The following CRLF2 variants were observed in gnomAD, a reference collection of about 807,000 sequenced individuals.
The protein encoded by CRLF2 is cytokine receptor like factor 2, also known as cytokine receptor-like factor 2.
CRLF2 carries 41 observed loss-of-function variants against 38.7 expected under a neutral mutation model. The observed-to-expected ratio is 1.06, with a 90% CI of 0.83 to 1.37. The LOEUF (loss-of-function observed/expected upper bound fraction) is 1.37. CRLF2 is among the 40% of genes most tolerant of loss of function. CRLF2 has a pLI of 0.00. For synonymous variants in CRLF2, 140 were observed against 128.8 expected (o/e 1.09, Z -0.59); for missense variants, 377 against 322.2 (o/e 1.17, Z -1.30).
At chrX:1,202,060 G>A (rs1265319505) in intron 4 of CRLF2, among the ~76,000 whole-genome samples, 2 of 151,966 alleles carry the variant, frequency 1.3e-5, no homozygotes, top group Non-Finnish European at 2.9e-5. Flanking sequence ...ATAGATAGAT[G>A]ATAGATTGAA....
intron 2 of CRLF2, 73 bp downstream of exon 2, chrX:1,208,733 C>G (rs2086734382): frequency 2.2e-6 from 2 of 892,948 alleles, no homozygotes; most frequent in Non-Finnish European, 3.8e-6. Context: ...TCAAGCATTC[C>G]CAATCGCTGA....
At chrX:1,195,629 G>A (rs2086460180) in intron 6 of CRLF2, among the ~76,000 whole-genome samples, 1 of 148,188 alleles carries the variant, frequency 6.7e-6, no homozygotes, top group African/African-American at 2.4e-5. Context: ...CCAGGCTGGA[G>A]TATAATGGTG....
intron 3 of CRLF2, among the ~76,000 whole-genome samples, chrX:1,205,634 T>C (rs1342390855): frequency 6.6e-6 from 1 of 151,698 alleles, no homozygotes; most frequent in Non-Finnish European, 1.5e-5. Context: ...GCATGAGCTT[T>C]TTTATTTATG....
At chrX:1,191,346 C>CCT (rs1556415570) in intron 7 of CRLF2, among the ~76,000 whole-genome samples, 186 bp from the exon 8 acceptor site, 5,208 of 44,240 alleles carry the variant, frequency 0.12, 340 homozygotes, top group East Asian at 0.2. Context: ...TCTTTCTTTC[C>CCT]TTCTTTCTTT....
intron 4 of CRLF2, among the ~76,000 whole-genome samples, chrX:1,200,993 T>C (rs1417522651): frequency 1.3e-5 from 2 of 152,042 alleles, no homozygotes; most frequent in Admixed American, 6.6e-5. Context: ...TACACACACC[T>C]AGCTGGTCTA....
intron 7 of CRLF2, among the ~76,000 whole-genome samples, chrX:1,191,581 G>A (rs1259557599): frequency 2.0e-5 from 3 of 151,428 alleles, no homozygotes; most frequent in African/African-American, 7.3e-5. Context: ...TCCCAGGCTG[G>A]AGTGCAACGG....
At chrX:1,196,488 A>G (rs1176040687) in intron 6 of CRLF2, among the ~76,000 whole-genome samples, 1 of 151,560 alleles carries the variant, frequency 6.6e-6, no homozygotes, top group African/African-American at 2.4e-5. Context: ...GCCTGACCCT[A>G]ATTTTTGTAT....
At chrX:1,204,699 T>C (rs1181593544) in intron 3 of CRLF2, among the ~76,000 whole-genome samples, 2 of 146,126 alleles carry the variant, frequency 1.4e-5, no homozygotes, top group Non-Finnish European at 3.0e-5. Flanking sequence ...TTTTTTTAAA[T>C]TATTTTTAAT....
chrX:1,209,161 G>A (rs1299223425), intron 1 of CRLF2, among the ~76,000 whole-genome samples: 2 of 151,768 alleles, frequency 1.3e-5, no homozygotes, highest in East Asian at 1.9e-4. Flanking sequence ...TAGAGACGGG[G>A]TTTCACCGTG....
chrX:1,195,915 TTTTATA>T (rs2086466173), intron 6 of CRLF2, among the ~76,000 whole-genome samples: 1 of 141,376 alleles, frequency 7.1e-6, no homozygotes, highest in African/African-American at 2.6e-5. Context: ...ATTTATATAT[TTTTATA>T]TAGATTACAT....
chrX:1,192,133 A>C (rs1223833843), intron 7 of CRLF2, among the ~76,000 whole-genome samples: 1 of 136,618 alleles, frequency 7.3e-6, no homozygotes, highest in African/African-American at 2.8e-5. Flanking sequence ...TGAACCCGGG[A>C]GGTGGAGCTT....
At position 1,198,646 on chromosome X, in the gene CRLF2, T is replaced by A; in HGVS notation, c.562A>T (p.Lys188Ter). Residue 188 changes from lysine (K) to a stop codon, truncating the protein, a stop_gained, in exon 5 of 8, where the codon AAG becomes TAG. Transcript: ENST00000400841. LOFTEE classifies it high-confidence loss of function. ...GGCCCATATACATCCTCCATAGCCTTCACCCTGACCCAGAAAGAGTAACAC... is the reference window on the plus strand; with the variant it reads ...GGCCCATATACATCCTCCATAGCCTACACCCTGACCCAGAAAGAGTAACAC... ...EKCYSFWVRV[K>*]AMEDVYGPDT... is the part of the protein sequence containing the mutation. 6.2e-7 allele frequency: 1 copy of A among 1,613,518 alleles called. No homozygotes were observed. The highest frequency in any genetic ancestry group is 1.1e-5 in the South Asian group (1 of 91,056).
At chrX:1,200,738 C>T (rs2086589945) in intron 4 of CRLF2, among the ~76,000 whole-genome samples, 1 of 39,322 alleles carries the variant, frequency 2.5e-5, no homozygotes, top group East Asian at 1.7e-3. Flanking sequence ...TATAAATATG[C>T]ATAGATAAGG....
At chrX:1,210,751 G>A (rs192192449) in intron 1 of CRLF2, among the ~76,000 whole-genome samples, 5,560 of 152,270 alleles carry the variant, frequency 0.037, 148 homozygotes, top group Non-Finnish European at 0.055. Context: ...TAGATAGATA[G>A]AATTATATAG....
At chrX:1,199,931 TAA>T (rs2086569598) in intron 4 of CRLF2, among the ~76,000 whole-genome samples, 9 of 54,954 alleles carry the variant, frequency 1.6e-4, no homozygotes, top group Admixed American at 6.2e-4. Flanking sequence ...GCTGTGTATG[TAA>T]GGTGTGTATA....
At chrX:1,191,307 T>TTCTG (rs2086370556) in intron 7 of CRLF2, 147 bp from the exon 8 acceptor site, 1 of 357,130 alleles carries the variant, frequency 2.8e-6, no homozygotes, top group Non-Finnish European at 4.7e-6. Flanking sequence ...CTTTCTTTCT[T>TTCTG]TCTTTCTTTC....
chrX:1,204,988 T>TTTTG (rs761640254), intron 3 of CRLF2, among the ~76,000 whole-genome samples: 229 of 151,118 alleles, frequency 1.5e-3, no homozygotes, highest in Admixed American at 3.2e-3. Flanking sequence ...CCGGCTAATT[T>TTTTG]TTTGTTTGTT....
intron 1 of CRLF2, among the ~76,000 whole-genome samples, chrX:1,211,349 GTGGATGGGTGGA>G (rs1448032413): frequency 1.2e-4 from 15 of 120,998 alleles, no homozygotes; most frequent in African/African-American, 3.6e-4. Context: ...GGGTGGATGG[GTGGATGGGTGGA>G]TGGATGGATG....
At chrX:1,197,703 A>C (rs2086512356) in intron 5 of CRLF2, among the ~76,000 whole-genome samples, 1 of 151,882 alleles carries the variant, frequency 6.6e-6, no homozygotes, top group Non-Finnish European at 1.5e-5. Flanking sequence ...AGTCCCAGCT[A>C]CTTGGGAGGC....
Sources: allele counts gnomAD v4.1 joint callset (sites outside exome capture counted in the v4.1 genomes callset), GRCh38; gene constraint gnomAD v4.1.1; transcripts MANE v1.5; gene names NCBI Gene and HGNC (gene_info 2026-07-23, HGNC 2026-07-21).